LPAR3: variants seen among roughly 807,000 people sequenced by gnomAD.
The protein encoded by LPAR3 is LPA receptor 3.
LPAR3 carries 7 observed loss-of-function variants against 17.8 expected under a neutral mutation model. That is an observed-to-expected ratio of 0.39 (90% CI 0.22 to 0.74). The LOEUF (loss-of-function observed/expected upper bound fraction) is 0.74, where lower values mean the gene tolerates loss of function less well. Ranked by LOEUF, LPAR3 falls within the 30% of genes least tolerant of loss-of-function variation. The pLI, the probability that LPAR3 is intolerant of heterozygous loss-of-function variation, is 0.40. For synonymous variants in LPAR3, 179 were observed against 179.9 expected (o/e 0.99, Z 0.04); for missense variants, 391 against 453.4 (o/e 0.86, Z 1.25).
chr1:84,891,322 A>G (rs987856742), intron 1 of LPAR3, among the ~76,000 whole-genome samples: 1 of 152,210 alleles, frequency 6.6e-6, no homozygotes, highest in Non-Finnish European at 1.5e-5. Context: ...AGTGACAATC[A>G]ATGTAAGTGT....
At chr1:84,886,938 C>T (rs1370344902) in intron 1 of LPAR3, among the ~76,000 whole-genome samples, 2 of 152,100 alleles carry the variant, frequency 1.3e-5, no homozygotes, top group African/African-American at 4.8e-5. Flanking sequence ...AAAAAACAAT[C>T]GTGAGACTTC....
At chr1:84,889,426 C>T (rs1207021368) in intron 1 of LPAR3, among the ~76,000 whole-genome samples, 3 of 152,150 alleles carry the variant, frequency 2.0e-5, no homozygotes, top group African/African-American at 7.2e-5. Flanking sequence ...CAGCACCCTC[C>T]TCCTGACCTG....
At chr1:84,826,858 G>A (rs1002453359) in intron 2 of LPAR3, among the ~76,000 whole-genome samples, 1 of 152,092 alleles carries the variant, frequency 6.6e-6, no homozygotes, top group Non-Finnish European at 1.5e-5. Flanking sequence ...CCATAAGCAT[G>A]TCTTTCTTTT....
chr1:84,864,109 G>A (rs549902275), intron 2 of LPAR3, among the ~76,000 whole-genome samples: 2 of 152,146 alleles, frequency 1.3e-5, no homozygotes, highest in East Asian at 3.9e-4. Context: ...CTACTTGGGA[G>A]GCTGAGGTAG....
intron 2 of LPAR3, among the ~76,000 whole-genome samples, chr1:84,862,588 A>G (rs560444650): frequency 6.6e-6 from 1 of 152,246 alleles, no homozygotes; most frequent in Non-Finnish European, 1.5e-5. Context: ...TAAGCACTAT[A>G]TAAATATTTG....
chr1:84,829,934 T>C (rs1470948826), intron 2 of LPAR3, among the ~76,000 whole-genome samples: 1 of 152,070 alleles, frequency 6.6e-6, no homozygotes, highest in South Asian at 2.1e-4. Flanking sequence ...AGGTATCCCA[T>C]AAAAACCCGA....
intron 2 of LPAR3, among the ~76,000 whole-genome samples, chr1:84,845,772 CATGTATTTACTTGAGGAAAA>C (rs761702912): frequency 6.6e-6 from 1 of 152,122 alleles, no homozygotes; most frequent in Non-Finnish European, 1.5e-5. Flanking sequence ...ATAAACTCAA[CATGTATTTACTTGAGGAAAA>C]ATGAGATTTT....
At chr1:84,853,805 C>T (rs1202658905) in intron 2 of LPAR3, among the ~76,000 whole-genome samples, 1 of 152,188 alleles carries the variant, frequency 6.6e-6, no homozygotes, top group Non-Finnish European at 1.5e-5. Flanking sequence ...TTGCAACTCC[C>T]ACCTTCTCAA....
intron 1 of LPAR3, among the ~76,000 whole-genome samples, chr1:84,882,865 G>A (rs1313463122): frequency 6.6e-6 from 1 of 152,156 alleles, no homozygotes; most frequent in African/African-American, 2.4e-5. Flanking sequence ...ACATGCAAAA[G>A]GGCATGGCCC....
intron 1 of LPAR3, among the ~76,000 whole-genome samples, chr1:84,880,519 T>C (rs1660344314): frequency 1.3e-5 from 2 of 152,190 alleles, no homozygotes; most frequent in Non-Finnish European, 1.5e-5. Context: ...GGCAGGTCTG[T>C]AGTAATGATC....
chr1:84,864,829 A>G (rs1322262346), intron 2 of LPAR3, among the ~76,000 whole-genome samples: 2 of 152,048 alleles, frequency 1.3e-5, no homozygotes, highest in Non-Finnish European at 2.9e-5. Context: ...AAGTCCTTAT[A>G]ACCACATGAC....
chr1:84,832,570 A>G (rs1205594479), intron 2 of LPAR3, among the ~76,000 whole-genome samples: 1 of 152,206 alleles, frequency 6.6e-6, no homozygotes, highest in East Asian at 1.9e-4. Flanking sequence ...CAGGAATTGA[A>G]CTATTAGGGA....
At chr1:84,869,198 A>G (rs1056396475) in intron 1 of LPAR3, among the ~76,000 whole-genome samples, 1 of 152,158 alleles carries the variant, frequency 6.6e-6, no homozygotes, top group Non-Finnish European at 1.5e-5. Context: ...AAGCACTAAC[A>G]CCTCAATGAT....
intron 2 of LPAR3, among the ~76,000 whole-genome samples, chr1:84,855,862 A>C (rs1659808352): frequency 6.6e-6 from 1 of 152,256 alleles, no homozygotes; most frequent in Non-Finnish European, 1.5e-5. Flanking sequence ...TGGCAGAGAC[A>C]GAAGAAAGAA....
At chr1:84,869,296 C>T (rs1032292628) in intron 1 of LPAR3, among the ~76,000 whole-genome samples, 2 of 152,148 alleles carry the variant, frequency 1.3e-5, no homozygotes, top group African/African-American at 2.4e-5. Flanking sequence ...TGCCCTGAGA[C>T]TGCAAAGCAA....
chr1:84,869,095 C>T (rs761694580), intron 1 of LPAR3, among the ~76,000 whole-genome samples: 1 of 152,130 alleles, frequency 6.6e-6, no homozygotes, highest in Non-Finnish European at 1.5e-5. Flanking sequence ...TAAGACACTA[C>T]AAAAATACTA....
chr1:84,847,588 CT>C (rs1423515638), intron 2 of LPAR3, among the ~76,000 whole-genome samples: 1 of 152,216 alleles, frequency 6.6e-6, no homozygotes, highest in African/African-American at 2.4e-5. Context: ...GAAGACCCCC[CT>C]GTCCTCAGCT....
At chr1:84,850,971 G>A (rs1267906058) in intron 2 of LPAR3, among the ~76,000 whole-genome samples, 1 of 152,238 alleles carries the variant, frequency 6.6e-6, no homozygotes, top group African/African-American at 2.4e-5. Flanking sequence ...GGGCTGGTGA[G>A]ATGGTGGCTC....
At chr1:84,832,463 A>T (rs1292259581) in intron 2 of LPAR3, among the ~76,000 whole-genome samples, 2 of 152,210 alleles carry the variant, frequency 1.3e-5, no homozygotes, top group Non-Finnish European at 2.9e-5. Context: ...GAATAGGCGA[A>T]TGAGTCAGGA....
Sources: gnomAD v4.1 joint callset for allele counts (sites outside exome capture counted in the v4.1 genomes callset) on GRCh38, gnomAD v4.1.1 for gene constraint, MANE v1.5 for transcripts, NCBI Gene and HGNC (gene_info 2026-07-23, HGNC 2026-07-21) for gene names.